BMPR1B: variants seen among roughly 807,000 people sequenced by gnomAD.
BMPR1B encodes bone morphogenetic protein receptor type-1B.
Under a neutral mutation model 59.1 loss-of-function variants are expected in BMPR1B, and 12 were observed. That is an observed-to-expected ratio of 0.20 (90% CI 0.13 to 0.33). The LOEUF is 0.33. Ranked by LOEUF, BMPR1B falls within the 10% of genes least tolerant of loss-of-function variation. BMPR1B has a pLI of 1.00. For missense variants in BMPR1B, 550 were observed against 610.9 expected, an observed-to-expected ratio of 0.90 and a Z score of 1.05; for synonymous variants, 237 against 207.3, an observed-to-expected ratio of 1.14 and a Z score of -1.23.
rs556875306 is a variant in BMPR1B at position 94,908,015 on chromosome 4, A to G, written c.-113+32115A>G. Among the ~76,000 whole-genome samples, 7 of 143,822 alleles carry G rather than the reference A, an allele frequency of 4.9e-5. No homozygotes were observed. The South Asian group carries it at 1.6e-3, about 34-fold the overall frequency. The allele number at this position is 143,822 out of a possible 152,430, so 94.4% of individuals were successfully genotyped here. A position where few individuals can be genotyped will look rare whatever the true frequency, so the allele number is the denominator to read the frequency against. On this transcript the variant is annotated intron_variant, in intron 2 of 12. Coordinates refer to ENST00000515059, the MANE Select transcript of BMPR1B (RefSeq NM_001203.3). ...TAGTGTGCAATGCTCTTACCTGTGA[A>G]TAGCCATGGCCCTCCAACATGGGCA... is the stretch of plus-strand genomic sequence containing the variant.
At chr4:94,931,186 T>C (rs1729080165) in intron 2 of BMPR1B, among the ~76,000 whole-genome samples, 1 of 152,098 alleles carries the variant, frequency 6.6e-6, no homozygotes, top group Non-Finnish European at 1.5e-5. Context: ...TTGAAAATAA[T>C]TTAGGAGGAC....
chr4:95,056,302 A>G (rs1726923533), intron 3 of BMPR1B, among the ~76,000 whole-genome samples: 1 of 152,102 alleles, frequency 6.6e-6, no homozygotes, highest in African/African-American at 2.4e-5. Flanking sequence ...TTTGCACTCT[A>G]TTTTTACTCT....
At chr4:94,881,717 G>C (rs1428742340) in intron 2 of BMPR1B, among the ~76,000 whole-genome samples, 1 of 152,052 alleles carries the variant, frequency 6.6e-6, no homozygotes, top group Non-Finnish European at 1.5e-5. Flanking sequence ...CTCCCGCCTT[G>C]GTCTCTCAAA....
At chr4:95,113,497 G>A (rs1018828513) in intron 4 of BMPR1B, among the ~76,000 whole-genome samples, 54 of 152,242 alleles carry the variant, frequency 3.5e-4, no homozygotes, top group African/African-American at 1.2e-3. Context: ...GGCTAGTATC[G>A]TTCTCAGAGC....
intron 2 of BMPR1B, among the ~76,000 whole-genome samples, chr4:94,982,137 A>T (rs984502966): frequency 5.3e-5 from 8 of 152,234 alleles, no homozygotes; most frequent in Non-Finnish European, 1.5e-5. Context: ...AAAAACAATG[A>T]ATCTGAGATG....
intron 3 of BMPR1B, among the ~76,000 whole-genome samples, chr4:95,013,156 G>A (rs1723340482): frequency 6.6e-6 from 1 of 151,754 alleles, no homozygotes; most frequent in South Asian, 2.1e-4. Flanking sequence ...ACAAAGTAGA[G>A]ACACAGATTT....
chr4:94,819,471 G>A (rs1410445288), intron 1 of BMPR1B, among the ~76,000 whole-genome samples: 1 of 151,604 alleles, frequency 6.6e-6, no homozygotes, highest in Non-Finnish European at 1.5e-5. Context: ...TTTGATGGGA[G>A]TGTCCAGGAA....
intron 1 of BMPR1B, among the ~76,000 whole-genome samples, chr4:94,795,556 C>T (rs368595260): frequency 5.3e-5 from 8 of 151,976 alleles, no homozygotes; most frequent in Non-Finnish European, 8.8e-5. Context: ...CCTCTGCCTT[C>T]GGGTTCAAGC....
chr4:94,833,250 G>A (rs1236562392), intron 1 of BMPR1B, among the ~76,000 whole-genome samples: 1 of 150,112 alleles, frequency 6.7e-6, no homozygotes, highest in Non-Finnish European at 1.5e-5. Context: ...AGGGTTGTTA[G>A]TATTAAAAAG....
chr4:95,109,787 GC>G (rs1205489587), intron 4 of BMPR1B, among the ~76,000 whole-genome samples: 2 of 151,342 alleles, frequency 1.3e-5, no homozygotes, highest in African/African-American at 4.9e-5. Context: ...TACAACATGT[GC>G]CATGTTGGTG....
chr4:94,867,966 C>T (rs561736080), intron 1 of BMPR1B, among the ~76,000 whole-genome samples: 1 of 152,200 alleles, frequency 6.6e-6, no homozygotes, highest in African/African-American at 2.4e-5. Context: ...CTGCCTCAGC[C>T]TCCCAAGTAC....
At chr4:94,837,242 G>T (rs1185537769) in intron 1 of BMPR1B, among the ~76,000 whole-genome samples, 1 of 148,840 alleles carries the variant, frequency 6.7e-6, no homozygotes, top group Non-Finnish European at 1.5e-5. Context: ...GGCGATGTGG[G>T]CTCTTTTTTG....
intron 2 of BMPR1B, among the ~76,000 whole-genome samples, chr4:94,880,053 AAATTAT>A (rs1219661703): frequency 6.8e-6 from 1 of 147,744 alleles, no homozygotes; most frequent in Non-Finnish European, 1.5e-5. Context: ...ATGACAATAC[AAATTAT>A]TATTATTTTA....
intron 2 of BMPR1B, among the ~76,000 whole-genome samples, chr4:94,913,438 C>T (rs17022555): frequency 0.041 from 6,236 of 152,174 alleles, 400 homozygotes; most frequent in African/African-American, 0.14. Flanking sequence ...GAAACTATTG[C>T]GGTAAACAGG....
At chr4:95,109,810 T>G (rs1731489439) in intron 4 of BMPR1B, among the ~76,000 whole-genome samples, 2 of 151,138 alleles carry the variant, frequency 1.3e-5, no homozygotes, top group African/African-American at 4.9e-5. Context: ...GCTGCACCCA[T>G]TAACTCGTCA....
intron 2 of BMPR1B, among the ~76,000 whole-genome samples, chr4:94,934,453 G>GTTTTTTTTTTTT (rs371268875): frequency 1.7e-5 from 2 of 115,290 alleles, no homozygotes; most frequent in Non-Finnish European, 3.4e-5. Context: ...CCCAGCTATG[G>GTTTTTTTTTTTT]TTTTTTTTTT....
At chr4:95,013,778 ACTT>A (rs1296235188) in intron 3 of BMPR1B, among the ~76,000 whole-genome samples, 1 of 152,160 alleles carries the variant, frequency 6.6e-6, no homozygotes, top group African/African-American at 2.4e-5. Flanking sequence ...TTATTATACT[ACTT>A]ATTATATGTT....
At chr4:95,002,156 T>C (rs1722494196) in intron 3 of BMPR1B, among the ~76,000 whole-genome samples, 1 of 152,094 alleles carries the variant, frequency 6.6e-6, no homozygotes, top group Non-Finnish European at 1.5e-5. Context: ...TCTGGTAGTC[T>C]CCAGTTTCTG....
chr4:94,934,200 T>C (rs1729201268), intron 2 of BMPR1B, among the ~76,000 whole-genome samples: 1 of 152,218 alleles, frequency 6.6e-6, no homozygotes. Context: ...CAGAGATTCA[T>C]CATATGAAAT....
Sources: allele counts gnomAD v4.1 joint callset (sites outside exome capture counted in the v4.1 genomes callset), GRCh38; gene constraint gnomAD v4.1.1; transcripts MANE v1.5; gene names NCBI Gene and HGNC (gene_info 2026-07-23, HGNC 2026-07-21).